The following ZNF33A variants were observed in gnomAD, a reference collection of about 807,000 sequenced individuals.
The protein encoded by ZNF33A is brain my041 protein.
In ZNF33A, 9 loss-of-function variants were observed where a neutral mutation model predicts 15.9. That is an observed-to-expected ratio of 0.57 (90% CI 0.34 to 0.99). ZNF33A has a LOEUF of 0.99. Among genes scored for constraint, ZNF33A ranks in the 50% least tolerant of loss-of-function variants. The probability of loss-of-function intolerance (pLI) is 0.02; values close to 1 mark genes in which losing one functional copy is unlikely to be tolerated. For missense variants in ZNF33A, 843 were observed against 941.6 expected (o/e 0.90, Z 1.37); for synonymous variants, 294 against 324.2 (o/e 0.91, Z 1.00).
chr10:38,063,494 GATGAAC>G (rs2066679865), downstream of ZNF33A, among the ~76,000 whole-genome samples: 1 of 151,558 alleles, frequency 6.6e-6, no homozygotes, highest in Non-Finnish European at 1.5e-5. Flanking sequence ...AGTATCAGAA[GATGAAC>G]ATCCTGCTTT....
At chr10:38,030,766 T>C (rs904296614) in intron 4 of ZNF33A, among the ~76,000 whole-genome samples, 4 of 152,026 alleles carry the variant, frequency 2.6e-5, no homozygotes, top group African/African-American at 2.4e-5. Context: ...CCTACTGGCA[T>C]TGAGGGAGTG....
At chr10:38,049,773 G>A (rs559723091) in intron 4 of ZNF33A, among the ~76,000 whole-genome samples, 2 of 152,134 alleles carry the variant, frequency 1.3e-5, no homozygotes, top group East Asian at 3.9e-4. Context: ...AATATAATAT[G>A]TAGAACCAGA....
chr10:38,011,815 G>A (rs1434890984), intron 1 of ZNF33A, among the ~76,000 whole-genome samples: 1 of 152,090 alleles, frequency 6.6e-6, no homozygotes, highest in Non-Finnish European at 1.5e-5. Flanking sequence ...AATTAAAACT[G>A]ATTTTTTCTT....
intron 4 of ZNF33A, among the ~76,000 whole-genome samples, chr10:38,024,163 CAAAAAA>C (rs71007682): frequency 1.1e-5 from 1 of 93,218 alleles, no homozygotes; most frequent in African/African-American, 4.1e-5. Context: ...AAAAACAAAA[CAAAAAA>C]AAAAAAAAAA....
At chr10:38,052,497 C>T (rs577404849) in intron 4 of ZNF33A, among the ~76,000 whole-genome samples, 1 of 152,180 alleles carries the variant, frequency 6.6e-6, no homozygotes, top group African/African-American at 2.4e-5. Context: ...TGTCAGAAAG[C>T]TCAATATTGC....
In ZNF33A at chr10:38,011,633, AT is replaced by A. The variant is rs140578085; in HGVS notation, c.-44-657del. ...TTGCCTCATTTGTTAGAAGAAAAAG[AT>A]TTTTTTTGTTTTTTTGTTTGTTAAG... On this transcript the variant is annotated intron_variant, in intron 1 of 4. Coordinates refer to ENST00000432900, the MANE Select transcript of ZNF33A (RefSeq NM_006954.2). Among the ~76,000 whole-genome samples the A allele has an allele frequency of 1.6e-3, 241 of 152,122 alleles. 1 individual carries two copies. The highest frequency in any genetic ancestry group is 5.4e-3 in the African/African-American group (223 of 41,516).
chr10:38,043,086 T>A (rs1034423511), intron 4 of ZNF33A, among the ~76,000 whole-genome samples: 2 of 152,214 alleles, frequency 1.3e-5, no homozygotes, highest in Non-Finnish European at 2.9e-5. Context: ...CTTTTATGGT[T>A]AGTGTACTTG....
At chr10:38,018,852 C>T (rs1045067593) in intron 4 of ZNF33A, among the ~76,000 whole-genome samples, 19 of 152,160 alleles carry the variant, frequency 1.2e-4, no homozygotes, top group African/African-American at 4.3e-4. Context: ...AGATATAAAA[C>T]TACACATTCC....
downstream of ZNF33A, among the ~76,000 whole-genome samples, chr10:38,061,530 A>G (rs529942844): frequency 4.6e-5 from 7 of 152,242 alleles, no homozygotes; most frequent in South Asian, 2.1e-4. Context: ...CAACCTTGCA[A>G]TCATGGGGCC....
rs761150377 is a variant in ZNF33A, at chr10:38,055,259, C to T, written c.1135C>T (p.His379Tyr). The T allele has an allele frequency of 1.9e-6, 3 of 1,614,136 alleles. No individual in the cohort carries two copies. Among genetic ancestry groups the T allele is most frequent in the East Asian group, 2.2e-5 (1 of 44,876 alleles). The change falls in exon 5 of 5, where the codon CAC becomes TAC. Residue 379 changes from histidine (H) to tyrosine (Y), a missense_variant. Coordinates refer to ENST00000432900, the MANE Select transcript of ZNF33A (RefSeq NM_006954.2). ...KSNLTKHQRS[H>Y]TGEKPFECNE... The stretch of plus-strand genomic sequence containing the variant: ...AAACCTCACTAAACATCAAAGATCA[C>T]ACACAGGGGAGAAACCTTTTGAATG...
chr10:38,016,817 G>A lies in ZNF33A; in HGVS notation c.10-54G>A, dbSNP rs758696092. The A allele has an allele frequency of 7.7e-6, 12 of 1,566,210 alleles. No homozygotes were observed. The Admixed American group carries it at 8.0e-5, about 10-fold the overall frequency. Reference sequence around the variant, plus strand: ...CAATATTCTGTGAATAATAATCATGGTAAGGATTAGCCCATACTTCTTTTT... The same window carrying A: ...CAATATTCTGTGAATAATAATCATGATAAGGATTAGCCCATACTTCTTTTT... On this transcript the variant is annotated intron_variant, in intron 2 of 4. Transcript: ENST00000432900.
At position 38,054,813 on chromosome 10, in the gene ZNF33A, A is replaced by G. The variant is rs2066382761; in HGVS notation, c.689A>G (p.Glu230Gly). 8 of 1,613,560 alleles carry G rather than the reference A, an allele frequency of 5.0e-6. No individual in the cohort carries two copies. Among genetic ancestry groups the G allele is most frequent in the Non-Finnish European group, 6.8e-6 (8 of 1,179,972 alleles). The change falls in exon 5 of 5, where the codon GAA (glutamate) becomes GGA (glycine). Residue 230 changes from glutamate to glycine, a missense_variant. Transcript: ENST00000432900. The stretch of plus-strand genomic sequence containing the variant: ...AGTATATGTCAGGAAACCCTCCTTG[A>G]AAAGGCAGTATTCAATACACAGAAG... Reference protein sequence around the residue: ...EYSICQETLLEKAVFNTQKRE... With the variant: ...EYSICQETLLGKAVFNTQKRE...
chr10:38,038,950 C>T (rs1293951226), intron 4 of ZNF33A, among the ~76,000 whole-genome samples: 1 of 152,006 alleles, frequency 6.6e-6, no homozygotes, highest in Non-Finnish European at 1.5e-5. Flanking sequence ...GTATGTAACC[C>T]TTTTTATATA....
rs1443413306 is a variant in ZNF33A at position 38,059,669 on chromosome 10, G to T, written c.*3109G>T. On this transcript the variant is annotated 3_prime_UTR_variant, in exon 5 of 5. Transcript: ENST00000432900. ...ACATTTTGGGAGAGGCAAAACTATT[G>T]AGCCAGTGAAAGGACCAGTGGTTGC... The T allele has an allele frequency of 6.6e-6, 1 of 152,198 alleles. No homozygotes were observed. The highest frequency in any genetic ancestry group is 2.4e-5 in the African/African-American group (1 of 41,440). The allele number at this position is 152,198 out of a possible 1,614,324, so 9.4% of individuals were successfully genotyped here.
At chr10:38,021,034 G>C (rs113984990) in intron 4 of ZNF33A, among the ~76,000 whole-genome samples, 42 of 152,254 alleles carry the variant, frequency 2.8e-4, no homozygotes, top group African/African-American at 7.9e-4. Flanking sequence ...CCTGCGGGGG[G>C]AGTGGGTATG....
At chr10:38,051,331 G>T (rs1183812663) in intron 4 of ZNF33A, among the ~76,000 whole-genome samples, 4 of 151,834 alleles carry the variant, frequency 2.6e-5, no homozygotes, top group Non-Finnish European at 1.5e-5. Flanking sequence ...AACTTTTATT[G>T]TGCAACAATG....
intron 3 of ZNF33A, 68 bp downstream of exon 3, chr10:38,017,083 C>G: frequency 6.4e-7 from 1 of 1,556,622 alleles, no homozygotes; most frequent in Non-Finnish European, 8.7e-7. Context: ...AGCGTATGGG[C>G]AGTCTGTATA....
chr10:38,057,973 TG>T lies in ZNF33A; in HGVS notation c.*1417del. 1 of 985,396 alleles carries T rather than the reference TG, an allele frequency of 1.0e-6. No homozygotes were observed. Among genetic ancestry groups the T allele is most frequent in the Non-Finnish European group, 1.2e-6 (1 of 829,938 alleles). The allele number at this position is 985,396 out of a possible 1,614,324, so 61.0% of individuals were successfully genotyped here. Reference sequence around the variant, plus strand: ...GAGCAGAACCAGAATCAAGCTGGTGTGGGGCTTTTATTGATAGTGTGAAGAT... The same window carrying T: ...GAGCAGAACCAGAATCAAGCTGGTGTGGGCTTTTATTGATAGTGTGAAGAT... On this transcript the variant is annotated 3_prime_UTR_variant, in exon 5 of 5. Transcript: ENST00000432900.
At chr10:38,061,556 G>A (rs2066653905), downstream of ZNF33A, among the ~76,000 whole-genome samples, 5 of 152,110 alleles carry the variant, frequency 3.3e-5, no homozygotes, top group Admixed American at 3.3e-4. Context: ...GCCTACACCT[G>A]GGCCACAGAC....
Sources: allele counts gnomAD v4.1 joint callset (sites outside exome capture counted in the v4.1 genomes callset), GRCh38; gene constraint gnomAD v4.1.1; transcripts MANE v1.5; gene names NCBI Gene and HGNC (gene_info 2026-07-23, HGNC 2026-07-21).